Variants in ZDHHC15 observed in about 807,000 individuals in gnomAD.
The protein encoded by ZDHHC15 is palmitoyltransferase ZDHHC15.
ZDHHC15 carries 19 observed loss-of-function variants against 31.7 expected under a neutral mutation model. That is an observed-to-expected ratio of 0.60 (90% CI 0.42 to 0.88). ZDHHC15 has a LOEUF of 0.88. ZDHHC15 is among the 40% of genes least tolerant of loss of function. ZDHHC15 has a pLI of 0.00. For synonymous variants in ZDHHC15, 103 were observed against 90.0 expected, an observed-to-expected ratio of 1.14 and a Z score of -0.82; for missense variants, 209 against 251.2, an observed-to-expected ratio of 0.83 and a Z score of 1.14.
chrX:75,436,770 A>G (rs1370206143), intron 4 of ZDHHC15, among the ~76,000 whole-genome samples: 2 of 112,944 alleles, frequency 1.8e-5, no homozygotes, highest in African/African-American at 6.4e-5. Flanking sequence ...GTCTATCTTG[A>G]ATAATGTTCC....
At chrX:75,448,516 T>C (rs934491142) in intron 4 of ZDHHC15, among the ~76,000 whole-genome samples, 42 of 112,076 alleles carry the variant, frequency 3.7e-4, no homozygotes, top group Non-Finnish European at 5.3e-4. Flanking sequence ...ATAAGGTGCA[T>C]TGACTTTACA....
chrX:75,438,988 C>T (rs753556831), intron 4 of ZDHHC15, among the ~76,000 whole-genome samples: 5 of 111,403 alleles, frequency 4.5e-5, no homozygotes, highest in African/African-American at 3.3e-5. Context: ...GGACCCAAAT[C>T]CCTTCTAGTT....
chrX:75,454,781 G>GA (rs756719259), intron 3 of ZDHHC15, among the ~76,000 whole-genome samples: 12 of 110,498 alleles, frequency 1.1e-4, no homozygotes, highest in African/African-American at 3.9e-4. Context: ...AAATAAAAAT[G>GA]AAAAAATACC....
At chrX:75,510,815 G>C (rs1181884641) in intron 1 of ZDHHC15, among the ~76,000 whole-genome samples, 1 of 71,441 alleles carries the variant, frequency 1.4e-5, no homozygotes, top group Non-Finnish European at 2.6e-5. Flanking sequence ...CTATAAGTGA[G>C]AATATGCGGT....
At position 75,444,671 on chromosome X, in the gene ZDHHC15, TATATATATATATATATACACAC is replaced by T. The variant is rs1384919680; in HGVS notation, c.379+6109_379+6130del. Among the ~76,000 whole-genome samples the T allele has an allele frequency of 1.0e-4, 7 of 69,173 alleles. No individual in the cohort carries two copies. In the East Asian group the frequency reaches 2.3e-3, roughly 23 times the overall value. 60.1% of individuals were successfully genotyped at this position (69,173 alleles called of 115,157 possible). A position where few individuals can be genotyped will look rare whatever the true frequency, so the allele number is the denominator to read the frequency against. On this transcript the variant is annotated intron_variant, in intron 4 of 11. Transcript: ENST00000373367. ...ATATATATATATATATATATATATA[TATATATATATATATATACACAC>T]ACACACACACACACACACAAATTTA...
At chrX:75,470,926 T>A (rs1344709143) in intron 3 of ZDHHC15, among the ~76,000 whole-genome samples, 1 of 111,826 alleles carries the variant, frequency 8.9e-6, no homozygotes, top group Non-Finnish European at 1.9e-5. Context: ...GGGATTGTGA[T>A]TAGTGCCACC....
intron 7 of ZDHHC15, among the ~76,000 whole-genome samples, chrX:75,425,206 G>A (rs1009459307): frequency 5.9e-5 from 6 of 102,327 alleles, no homozygotes; most frequent in South Asian, 4.8e-4. Context: ...TTGGGCATGC[G>A]TGTATTGAAA....
At chrX:75,460,509 C>T (rs979120129) in intron 3 of ZDHHC15, among the ~76,000 whole-genome samples, 5 of 110,568 alleles carry the variant, frequency 4.5e-5, no homozygotes, top group Non-Finnish European at 7.6e-5. Context: ...ACAGGGGTCT[C>T]GAGATACCTC....
chrX:75,417,883 T>G (rs762882226), intron 9 of ZDHHC15, among the ~76,000 whole-genome samples: 4 of 112,263 alleles, frequency 3.6e-5, no homozygotes, highest in Non-Finnish European at 7.5e-5. Flanking sequence ...GGTATCTGAA[T>G]GCATTCCACA....
intron 2 of ZDHHC15, among the ~76,000 whole-genome samples, chrX:75,484,633 G>A (rs1469509664): frequency 8.9e-6 from 1 of 111,941 alleles, no homozygotes; most frequent in African/African-American, 3.2e-5. Context: ...CAAAATGGTA[G>A]AACTGCTTTG....
intron 2 of ZDHHC15, among the ~76,000 whole-genome samples, chrX:75,502,636 G>C (rs1175690260): frequency 1.8e-5 from 2 of 111,103 alleles, no homozygotes; most frequent in Admixed American, 9.7e-5. Context: ...TGCATCATCT[G>C]ATGGATCATG....
At chrX:75,505,701 T>G in intron 2 of ZDHHC15, 120 bp downstream of exon 2, 1 of 832,416 alleles carries the variant, frequency 1.2e-6, no homozygotes. Context: ...ATTCTAAACT[T>G]TCTCCTCACC....
intron 3 of ZDHHC15, among the ~76,000 whole-genome samples, chrX:75,458,895 G>T (rs188710708): frequency 9.4e-6 from 1 of 105,826 alleles, no homozygotes; most frequent in East Asian, 3.1e-4. Context: ...AAATATACAG[G>T]TTCTCGCATT....
chrX:75,416,780 C>T (rs1213276907), intron 10 of ZDHHC15, among the ~76,000 whole-genome samples: 1 of 111,615 alleles, frequency 9.0e-6, no homozygotes, highest in Non-Finnish European at 1.9e-5. Context: ...TTGAACTCCA[C>T]ATTCAAGCAA....
rs2084530644 is a variant in ZDHHC15, at chrX:75,473,133, G to T, written c.258+5758C>A. ...TTACGGCTAAAGACGTGAGGCAGTG[G>T]GCTCATGCTCATGGAATTCCCATGT... On this transcript the variant is annotated intron_variant, in intron 3 of 11. Coordinates refer to ENST00000373367, the MANE Select transcript of ZDHHC15 (RefSeq NM_144969.3). 3.6e-5 allele frequency among the ~76,000 whole-genome samples: 4 copies of T among 111,746 alleles called. No homozygotes were observed. In the Admixed American group the frequency reaches 3.8e-4, roughly 11 times the overall value.
At chrX:75,510,755 T>G in intron 1 of ZDHHC15, among the ~76,000 whole-genome samples, 1 of 72,293 alleles carries the variant, frequency 1.4e-5, no homozygotes, top group Admixed American at 1.9e-4. Context: ...GTCCCCAGAG[T>G]GTGATATTCC....
At chrX:75,373,332 T>C (rs2147742035) in intron 11 of ZDHHC15, among the ~76,000 whole-genome samples, 1 of 111,283 alleles carries the variant, frequency 9.0e-6, no homozygotes, top group Non-Finnish European at 1.9e-5. Flanking sequence ...AATTGGGCAA[T>C]TATGAAGCTG....
At chrX:75,464,931 C>T (rs978177227) in intron 3 of ZDHHC15, among the ~76,000 whole-genome samples, 3 of 111,894 alleles carry the variant, frequency 2.7e-5, no homozygotes, top group Admixed American at 9.5e-5. Context: ...TCCTATTCAA[C>T]ATATTATTGG....
chrX:75,419,002 T>G (rs910468861), intron 9 of ZDHHC15, among the ~76,000 whole-genome samples: 2 of 112,007 alleles, frequency 1.8e-5, no homozygotes, highest in Admixed American at 1.9e-4. Context: ...AAAGAAACTC[T>G]CATTAGAGTG....
Sources: allele counts gnomAD v4.1 joint callset (sites outside exome capture counted in the v4.1 genomes callset), GRCh38; gene constraint gnomAD v4.1.1; transcripts MANE v1.5; gene names NCBI Gene and HGNC (gene_info 2026-07-23, HGNC 2026-07-21).